The following PWWP3A variants were observed in gnomAD, a reference collection of about 807,000 sequenced individuals.
PWWP3A encodes the protein PWWP domain-containing DNA repair factor 3A.
In PWWP3A, 53 loss-of-function variants were observed where a neutral mutation model predicts 79.0. The ratio of observed to expected loss-of-function variants is 0.67; its 90% CI spans 0.54 to 0.84. The LOEUF is 0.84. Among genes scored for constraint, PWWP3A ranks in the 40% least tolerant of loss-of-function variants. The pLI, the probability that PWWP3A is intolerant of heterozygous loss-of-function variation, is 0.00. For synonymous variants in PWWP3A, 443 were observed against 394.4 expected (o/e 1.12, Z -1.46); for missense variants, 973 against 948.0 (o/e 1.03, Z -0.35).
At chr19:1,359,727 G>T in intron 4 of PWWP3A, 1 of 156,652 alleles carries the variant, frequency 6.4e-6, no homozygotes, top group Non-Finnish European at 1.4e-5. Flanking sequence ...CACCAACCAA[G>T]AATACGTTGC....
At chr19:1,376,307 G>GTTTTTTTTTTTT (rs1300598453) in intron 13 of PWWP3A, among the ~76,000 whole-genome samples, 1 of 70,388 alleles carries the variant, frequency 1.4e-5, no homozygotes, top group African/African-American at 6.9e-5. Flanking sequence ...TTTTTTTTTT[G>GTTTTTTTTTTTT]TTTGTTTTTT....
At chr19:1,367,922 T>G (rs2082163554) in intron 9 of PWWP3A, among the ~76,000 whole-genome samples, 1 of 151,972 alleles carries the variant, frequency 6.6e-6, no homozygotes, top group South Asian at 2.1e-4. Flanking sequence ...GGGATCTGAG[T>G]TACTTTCTTT....
rs780270558 is a variant in PWWP3A, at chr19:1,369,585, AC to A, written c.1499-6del. ...GTCTACACAGTGCTCTCTCCCCTCC[AC>A]CCCCTGCAGGCTGCGGGTCTTTTGC... On this transcript the variant is annotated splice_polypyrimidine_tract_variant and intron_variant, in intron 10 of 13. Coordinates refer to ENST00000591337, the MANE Select transcript of PWWP3A (RefSeq NM_001369789.1). This position sits in a 1 kb window ranked among gnomAD's most constrained non-coding sequence, Gnocchi z 4.0. 2 of 1,613,802 alleles carry A rather than the reference AC, an allele frequency of 1.2e-6. No homozygotes were observed. The highest frequency in any genetic ancestry group is 2.2e-5 in the East Asian group (1 of 44,868).
chr19:1,360,879 G>A lies in PWWP3A; in HGVS notation c.958G>A (p.Ala320Thr). ...RPPAVQLEPM[A>T]AGAAPSPGPG... ...GCCTGCCGTGCAGCTGGAGCCCATG[G>A]CAGCAGGGGCCGCACCATCCCCCGG... is the stretch of plus-strand genomic sequence containing the variant. The change falls in exon 5 of 14, where the codon GCA becomes ACA. Residue 320 changes from alanine (A) to threonine (T), a missense_variant. Ala to Thr is a moderately conservative substitution (Grantham distance 58). Transcript: ENST00000591337. The surrounding 1 kb of genome is among the most constrained non-coding windows in gnomAD (Gnocchi z 4.4). 6.5e-7 allele frequency: 1 copy of A among 1,546,196 alleles called. No homozygotes were observed. The highest frequency in any genetic ancestry group is 1.2e-5 in the South Asian group (1 of 83,934).
chr19:1,364,290 G>T (rs1158004044), intron 6 of PWWP3A: 6 of 679,826 alleles, frequency 8.8e-6, no homozygotes, highest in South Asian at 2.8e-5. Flanking sequence ...CCACTCAGCT[G>T]CTGGTTTCAC....
intron 5 of PWWP3A, 89 bp from the exon 6 acceptor site, chr19:1,362,161 C>A: frequency 1.9e-6 from 2 of 1,079,102 alleles, no homozygotes; most frequent in Non-Finnish European, 1.3e-6. Flanking sequence ...CTTTATGCAT[C>A]GATGGTCATG....
rs1048503488 is a variant in PWWP3A, at chr19:1,355,001, CGGCGGCGGTGGCGGA to C, written c.-198_-184del. The C allele has an allele frequency of 8.0e-5, 12 of 149,706 alleles. No individual in the cohort carries two copies. The highest frequency in any genetic ancestry group is 7.0e-4 in the South Asian group (4 of 5,674). The allele number at this position is 149,706 out of a possible 1,614,324, so 9.3% of individuals were successfully genotyped here. ...CCGCGGGGAGCGGCGGCGGCGGCGG[CGGCGGCGGTGGCGGA>C]GGCGGTGAGCGCGGGCGGCGCGGAC... is the stretch of plus-strand genomic sequence containing the variant. On this transcript the variant is annotated 5_prime_UTR_variant, in exon 1 of 14. Transcript: ENST00000591337.
chr19:1,359,960 T>C lies in PWWP3A; in HGVS notation c.215-176T>C, dbSNP rs570339914. 9 of 615,870 alleles carry C rather than the reference T, an allele frequency of 1.5e-5. No individual in the cohort carries two copies. The South Asian group carries it at 3.0e-4, about 21-fold the overall frequency. The allele number at this position is 615,870 out of a possible 1,614,324, so 38.2% of individuals were successfully genotyped here. A position where few individuals can be genotyped will look rare whatever the true frequency, so the allele number is the denominator to read the frequency against. Reference sequence around the variant, plus strand: ...ATCCCGGAATGAATAGCTGTCGTTCTGTAGCCTCGTCTCCTTTTTGGGAAA... The same window carrying C: ...ATCCCGGAATGAATAGCTGTCGTTCCGTAGCCTCGTCTCCTTTTTGGGAAA... On this transcript the variant is annotated intron_variant, in intron 4 of 13. Transcript: ENST00000591337.
chr19:1,375,342 C>T (rs916392732), intron 13 of PWWP3A, among the ~76,000 whole-genome samples: 8 of 147,510 alleles, frequency 5.4e-5, no homozygotes, highest in South Asian at 2.1e-4. Flanking sequence ...TGCTCATCTC[C>T]GAACTTCATC....
chr19:1,363,023 C>G (rs2082053644), intron 6 of PWWP3A, among the ~76,000 whole-genome samples: 1 of 152,220 alleles, frequency 6.6e-6, no homozygotes, highest in Non-Finnish European at 1.5e-5. Context: ...CTTCTAGTTT[C>G]AGAATAATTA....
At chr19:1,367,561 C>A (rs1185377876) in intron 9 of PWWP3A, among the ~76,000 whole-genome samples, 3 of 152,254 alleles carry the variant, frequency 2.0e-5, no homozygotes, top group African/African-American at 7.2e-5. Flanking sequence ...CCGACTGTCT[C>A]AGTCCACCCC....
Position 1,360,937 on chromosome 19 carries a change from C to T in PWWP3A, c.1016C>T (p.Pro339Leu), listed in dbSNP as rs1017482829. ...PGPGPRESVT[P>L]RSTARLGPPP... ...CCAGGGCCCAGAGAGTCTGTGACCC[C>T]GCGCAGCACCGCCAGGCTGGGCCCG... The change falls in exon 5 of 14, where the codon CCG becomes CTG. Residue 339 changes from proline (P) to leucine (L), a missense_variant. Transcript: ENST00000591337. This position sits in a 1 kb window ranked among gnomAD's most constrained non-coding sequence, Gnocchi z 4.4. The T allele has an allele frequency of 6.6e-6, 10 of 1,513,130 alleles. No individual in the cohort carries two copies. The highest frequency in any genetic ancestry group is 4.2e-5 in the African/African-American group (3 of 71,334). The allele number at this position is 1,513,130 out of a possible 1,614,324, so 93.7% of individuals were successfully genotyped here. A position where few individuals can be genotyped will look rare whatever the true frequency, so the allele number is the denominator to read the frequency against.
chr19:1,376,586 C>T lies in PWWP3A; in HGVS notation c.*10C>T, dbSNP rs961867757. ...CCGGCGCCGTCGGTGAGGGAGCAGC[C>T]GGCTGTGCTGTCAGCGGGGCCTGGC... On this transcript the variant is annotated 3_prime_UTR_variant, in exon 14 of 14. Transcript: ENST00000591337. 7 of 1,613,118 alleles carry T rather than the reference C, an allele frequency of 4.3e-6. No individual in the cohort carries two copies. The highest frequency in any genetic ancestry group is 2.7e-5 in the African/African-American group (2 of 74,862).
At position 1,366,307 on chromosome 19, in the gene PWWP3A, C is replaced by T; in HGVS notation, c.1287C>T (p.Val429=). 6.2e-7 allele frequency: 1 copy of T among 1,614,046 alleles called. No homozygotes were observed. Among genetic ancestry groups the T allele is most frequent in the Non-Finnish European group, 8.5e-7 (1 of 1,179,902 alleles). The part of the protein sequence containing the change: ...HKKYPFWPAV[V]KSVRQRDKKA... ...TATTTTCTTGGATTTGTGAACAGGT[C>T]AAAAGCGTCAGGCAGAGAGATAAGA... The change falls in exon 8 of 14, where the codon GTC becomes GTT. Residue 429 remains valine, a splice_region_variant and synonymous_variant. Transcript: ENST00000591337.
chr19:1,375,761 A>G (rs2082374158), intron 13 of PWWP3A, among the ~76,000 whole-genome samples: 1 of 141,680 alleles, frequency 7.1e-6, no homozygotes, highest in African/African-American at 2.6e-5. Flanking sequence ...ATAATTTTAT[A>G]TATCATATGT....
chr19:1,367,306 A>G (rs148891015), intron 9 of PWWP3A, 86 bp downstream of exon 9: 7 of 1,177,982 alleles, frequency 5.9e-6, no homozygotes, highest in East Asian at 4.7e-5. Flanking sequence ...CTTGAAATCC[A>G]TGGCTGCGGT....
Position 1,359,983 on chromosome 19 carries a change from AAAATGTAGGTGAG to A in PWWP3A, c.215-146_215-134del, listed in dbSNP as rs1344046441. 5.4e-6 allele frequency: 4 copies of A among 734,036 alleles called. No individual in the cohort carries two copies. The African/African-American group carries it at 7.3e-5, about 13-fold the overall frequency. The allele number at this position is 734,036 out of a possible 1,614,324, so 45.5% of individuals were successfully genotyped here. A position where few individuals can be genotyped will look rare whatever the true frequency, so the allele number is the denominator to read the frequency against. On this transcript the variant is annotated intron_variant, in intron 4 of 13. Coordinates refer to ENST00000591337, the MANE Select transcript of PWWP3A (RefSeq NM_001369789.1). ...TCTGTAGCCTCGTCTCCTTTTTGGGAAAATGTAGGTGAGAAATGTTAGTCCTCCCCTTCAGTGA... is the reference window on the plus strand; with the variant it reads ...TCTGTAGCCTCGTCTCCTTTTTGGGAAAATGTTAGTCCTCCCCTTCAGTGA...
intron 13 of PWWP3A, among the ~76,000 whole-genome samples, chr19:1,375,526 AAT>A (rs2082352445): frequency 3.6e-5 from 4 of 110,942 alleles, no homozygotes; most frequent in Admixed American, 3.4e-4. Context: ...AAAATCATAT[AAT>A]TTATATATTT....
chr19:1,358,842 C>T (rs912926049), intron 4 of PWWP3A: 3 of 480,490 alleles, frequency 6.2e-6, no homozygotes, highest in Non-Finnish European at 7.9e-6. Flanking sequence ...CGCTGCCTGG[C>T]CAGTCTGGTC....
Sources: allele counts gnomAD v4.1 joint callset (sites outside exome capture counted in the v4.1 genomes callset), GRCh38; gene constraint gnomAD v4.1.1; non-coding constraint Gnocchi (gnomAD v3.1); transcripts MANE v1.5; gene names NCBI Gene and HGNC (gene_info 2026-07-23, HGNC 2026-07-21).